Variants in DRC11 observed in about 807,000 individuals in gnomAD.
DRC11 encodes the protein IQ and AAA domain-containing protein 1.
the DRC11 span, chr2:236,333,304 A>T: frequency 6.6e-6 from 1 of 152,380 alleles, no homozygotes; most frequent in Non-Finnish European, 1.5e-5. This position sits in a 1 kb window ranked among gnomAD's most constrained non-coding sequence, Gnocchi z 6.0. Flanking sequence ...CTGTTTGTGT[A>T]GCGATGGATG....
At chr2:236,482,151 T>G in the DRC11 span, among the ~76,000 whole-genome samples, 3 of 151,634 alleles carry the variant, frequency 2.0e-5, no homozygotes, top group South Asian at 4.1e-4. This position sits in a 1 kb window ranked among gnomAD's most constrained non-coding sequence, Gnocchi z 4.5. Flanking sequence ...ATTATATGTA[T>G]AATTCTAAAT....
the DRC11 span, chr2:236,408,084 GC>G: frequency 1.6e-6 from 1 of 610,754 alleles, no homozygotes; most frequent in Non-Finnish European, 3.1e-6. This position sits in a 1 kb window ranked among gnomAD's most constrained non-coding sequence, Gnocchi z 5.5. Flanking sequence ...GCATGACAAA[GC>G]CACTGGTCAC....
At chr2:236,446,908 C>T in the DRC11 span, among the ~76,000 whole-genome samples, 7 of 147,890 alleles carry the variant, frequency 4.7e-5, no homozygotes, top group African/African-American at 8.0e-5. This position sits in a 1 kb window ranked among gnomAD's most constrained non-coding sequence, Gnocchi z 6.2. Context: ...ACTGCGGCTG[C>T]TGGGCGTGGG....
the DRC11 span, among the ~76,000 whole-genome samples, chr2:236,491,921 G>A: frequency 6.6e-6 from 1 of 152,180 alleles, no homozygotes; most frequent in African/African-American, 2.4e-5. Context: ...GTGTTGGGAT[G>A]TGGGACTTTT....
the DRC11 span, among the ~76,000 whole-genome samples, chr2:236,309,028 C>T: frequency 6.6e-6 from 1 of 152,176 alleles, no homozygotes; most frequent in South Asian, 2.1e-4. This position sits in a 1 kb window ranked among gnomAD's most constrained non-coding sequence, Gnocchi z 5.7. Flanking sequence ...CCGGGCAGCA[C>T]CTGGCAGGTG....
At chr2:236,408,768 A>T in the DRC11 span, 1 of 676,118 alleles carries the variant, frequency 1.5e-6, no homozygotes, top group Non-Finnish European at 2.7e-6. This position sits in a 1 kb window ranked among gnomAD's most constrained non-coding sequence, Gnocchi z 5.5. Flanking sequence ...GATGGTCTTG[A>T]AGGTCTGGAG....
the DRC11 span, chr2:236,368,453 C>T: frequency 1.2e-4 from 70 of 591,254 alleles, no homozygotes; most frequent in Middle Eastern, 7.9e-4. Context: ...AAGAACACAT[C>T]TTTTCTCAGA....
chr2:236,472,830 T>C, the DRC11 span, among the ~76,000 whole-genome samples: 1 of 152,152 alleles, frequency 6.6e-6, no homozygotes, highest in African/African-American at 2.4e-5. This position sits in a 1 kb window ranked among gnomAD's most constrained non-coding sequence, Gnocchi z 4.6. Flanking sequence ...GAGCTGGGCT[T>C]TGAGCCTAGC....
chr2:236,466,354 A>T, the DRC11 span, among the ~76,000 whole-genome samples: 2 of 152,210 alleles, frequency 1.3e-5, no homozygotes, highest in African/African-American at 2.4e-5. Flanking sequence ...GACTGCAATT[A>T]ATTTTGAAAA....
chr2:236,357,659 T>C, the DRC11 span, among the ~76,000 whole-genome samples: 611 of 110,960 alleles, frequency 5.5e-3, 20 homozygotes, highest in East Asian at 0.11. Flanking sequence ...TAAATTATAT[T>C]CATAATACAT....
the DRC11 span, among the ~76,000 whole-genome samples, chr2:236,498,861 A>AT: frequency 5.9e-5 from 9 of 152,204 alleles, no homozygotes; most frequent in East Asian, 3.9e-4. Flanking sequence ...ATTTCAGGTG[A>AT]TTTTTTTATT....
chr2:236,405,667 C>T, the DRC11 span, among the ~76,000 whole-genome samples: 17 of 152,220 alleles, frequency 1.1e-4, no homozygotes, highest in South Asian at 3.5e-3. This position sits in a 1 kb window ranked among gnomAD's most constrained non-coding sequence, Gnocchi z 4.6. Context: ...GGAGGCCTCT[C>T]GATTTGATTT....
At chr2:236,315,550 A>C in the DRC11 span, among the ~76,000 whole-genome samples, 1 of 152,184 alleles carries the variant, frequency 6.6e-6, no homozygotes, top group African/African-American at 2.4e-5. This position sits in a 1 kb window ranked among gnomAD's most constrained non-coding sequence, Gnocchi z 5.1. Context: ...AGATACATGC[A>C]TGTGTATGTT....
the DRC11 span, among the ~76,000 whole-genome samples, chr2:236,369,406 C>A: frequency 6.6e-6 from 1 of 152,130 alleles, no homozygotes; most frequent in Non-Finnish European, 1.5e-5. The surrounding 1 kb of genome is among the most constrained non-coding windows in gnomAD (Gnocchi z 4.5). Flanking sequence ...ATGAAAGCAT[C>A]TATTATGGCT....
At chr2:236,440,280 G>A in the DRC11 span, among the ~76,000 whole-genome samples, 4,120 of 152,226 alleles carry the variant, frequency 0.027, 181 homozygotes, top group African/African-American at 0.095. Flanking sequence ...TGTTAATAGC[G>A]CAGGGCTTTA....
chr2:236,455,077 A>G, the DRC11 span: 1 of 152,256 alleles, frequency 6.6e-6, no homozygotes, highest in Non-Finnish European at 1.5e-5. The surrounding 1 kb of genome is among the most constrained non-coding windows in gnomAD (Gnocchi z 5.7). Context: ...AGAGGCAATT[A>G]GGAGTTAGGA....
At chr2:236,488,902 G>A in the DRC11 span, among the ~76,000 whole-genome samples, 2 of 151,828 alleles carry the variant, frequency 1.3e-5, no homozygotes, top group African/African-American at 2.4e-5. Flanking sequence ...CCGGGTGCAT[G>A]CTGGGGCCTG....
the DRC11 span, among the ~76,000 whole-genome samples, chr2:236,491,246 G>GTATATATATA: frequency 4.6e-3 from 109 of 23,742 alleles, 7 homozygotes; most frequent in Non-Finnish European, 6.8e-3. Context: ...TATATACACA[G>GTATATATATA]TATATATATA....
chr2:236,416,738 T>TATATAA, the DRC11 span, among the ~76,000 whole-genome samples: 2 of 52,952 alleles, frequency 3.8e-5, no homozygotes, highest in African/African-American at 7.3e-5. Flanking sequence ...TATATATATA[T>TATATAA]ATATATATAT....
Sources: gnomAD v4.1 joint callset for allele counts (sites outside exome capture counted in the v4.1 genomes callset) on GRCh38, gnomAD v4.1.1 for gene constraint, Gnocchi (gnomAD v3.1) non-coding constraint, MANE v1.5 for transcripts, NCBI Gene and HGNC (gene_info 2026-07-23, HGNC 2026-07-21) for gene names.